METTL15: variants seen among roughly 807,000 people sequenced by gnomAD.
The protein encoded by METTL15 is methyltransferase 15, mitochondrial 12S rRNA N4-cytidine.
In METTL15, 34 loss-of-function variants were observed where a neutral mutation model predicts 38.3. That is an observed-to-expected ratio of 0.89 (90% CI 0.68 to 1.18). METTL15 has a LOEUF of 1.18. METTL15 is among the 50% of genes most tolerant of loss of function. The pLI, the probability that METTL15 is intolerant of heterozygous loss-of-function variation, is 0.00. For missense variants in METTL15, 438 were observed against 498.4 expected (o/e 0.88, Z 1.15); for synonymous variants, 162 against 170.9 (o/e 0.95, Z 0.41).
intron 4 of METTL15, among the ~76,000 whole-genome samples, chr11:28,214,917 C>G (rs897036969): frequency 6.6e-6 from 1 of 152,158 alleles, no homozygotes; most frequent in Non-Finnish European, 1.5e-5. Context: ...TCCTTTCCAG[C>G]ATAAGGGTCA....
intron 5 of METTL15, among the ~76,000 whole-genome samples, chr11:28,402,395 C>A (rs1286363927): frequency 6.6e-6 from 1 of 151,934 alleles, no homozygotes; most frequent in East Asian, 1.9e-4. Flanking sequence ...TACTCCCTAC[C>A]CAATTTATAG....
chr11:28,452,476 A>G (rs1851131453), intron 6 of METTL15, among the ~76,000 whole-genome samples: 1 of 152,216 alleles, frequency 6.6e-6, no homozygotes, highest in Admixed American at 6.5e-5. Context: ...CTTGGTGAGA[A>G]ACAATGCTGT....
Position 28,113,310 on chromosome 11 carries a change from T to C in METTL15, c.-17-8T>C, listed in dbSNP as rs766654203. On this transcript the variant is annotated splice_region_variant and splice_polypyrimidine_tract_variant and intron_variant, in intron 2 of 6. Transcript: ENST00000407364. ...ATCCAACAATCATATTTTAATTTTTTTTTCTAGATTTGTTTACCTACAAAA... is the reference window on the plus strand; with the variant it reads ...ATCCAACAATCATATTTTAATTTTTCTTTCTAGATTTGTTTACCTACAAAA... 2 of 1,507,914 alleles carry C rather than the reference T, an allele frequency of 1.3e-6. No homozygotes were observed. Among genetic ancestry groups the C allele is most frequent in the Non-Finnish European group, 1.8e-6 (2 of 1,116,838 alleles). 93.4% of individuals were successfully genotyped at this position (1,507,914 alleles called of 1,614,324 possible).
chr11:28,296,975 A>G (rs1856762213), intron 6 of METTL15, 44 bp downstream of exon 6: 1 of 1,603,352 alleles, frequency 6.2e-7, no homozygotes. Context: ...AAAAAATTAT[A>G]TTTACATGTG....
At chr11:28,272,948 C>T (rs1855703198) in intron 4 of METTL15, among the ~76,000 whole-genome samples, 1 of 152,120 alleles carries the variant, frequency 6.6e-6, no homozygotes, top group African/African-American at 2.4e-5. Flanking sequence ...TTATTGAGCA[C>T]TTATTCTATA....
chr11:28,166,804 C>G (rs1258065916), intron 3 of METTL15, among the ~76,000 whole-genome samples: 2 of 152,076 alleles, frequency 1.3e-5, no homozygotes, highest in Non-Finnish European at 2.9e-5. Flanking sequence ...CAAAAATTAG[C>G]CAGGCATGGT....
chr11:28,229,703 C>T lies in METTL15; in HGVS notation c.407+18505C>T, dbSNP rs530199029. ...GGCATTTTGATCTTGGACTTCCCAG[C>T]CTCTAGAACTATGAGAAATAAATTT... On this transcript the variant is annotated intron_variant, in intron 4 of 6. Transcript: ENST00000407364. Among the ~76,000 whole-genome samples, 17 of 152,064 alleles carry T rather than the reference C, an allele frequency of 1.1e-4. No homozygotes were observed. In the South Asian group the frequency reaches 3.5e-3, roughly 32 times the overall value.
chr11:28,319,455 G>GTT (rs138095699), intron 6 of METTL15, among the ~76,000 whole-genome samples: 28 of 150,166 alleles, frequency 1.9e-4, no homozygotes, highest in Admixed American at 2.7e-4. Context: ...AAAATAAGGT[G>GTT]TTGTTTTTTT....
At chr11:28,340,337 C>G (rs371700397) in intron 3 of METTL15, among the ~76,000 whole-genome samples, 2 of 152,160 alleles carry the variant, frequency 1.3e-5, no homozygotes, top group South Asian at 4.1e-4. Context: ...TGTGCCCTCT[C>G]TATAAAAATT....
At chr11:28,452,451 AC>A in intron 6 of METTL15, among the ~76,000 whole-genome samples, 1 of 152,320 alleles carries the variant, frequency 6.6e-6, no homozygotes, top group Middle Eastern at 3.4e-3. Flanking sequence ...TAATTTATAT[AC>A]CTAAAGTGGT....
rs759210195 is a variant in METTL15, at chr11:28,352,320, C to A, written c.*258+162C>A. Among the ~76,000 whole-genome samples the A allele has an allele frequency of 3.9e-5, 6 of 152,222 alleles. No individual in the cohort carries two copies. In the South Asian group the frequency reaches 8.3e-4, roughly 21 times the overall value. ...AACTTAATAGCTGACCTGTCTACCC[C>A]CTAGCCTGTGAGATCCTTCAGGGAA... On this transcript the variant is annotated intron_variant and NMD_transcript_variant, in intron 4 of 7. Coordinates refer to the METTL15 transcript ENST00000532947.
At chr11:28,188,554 GTAAT>G (rs1289316059) in intron 3 of METTL15, among the ~76,000 whole-genome samples, 1 of 151,150 alleles carries the variant, frequency 6.6e-6, no homozygotes, top group Admixed American at 6.6e-5. Context: ...TTAACAGTAA[GTAAT>G]TGTTGAATCT....
chr11:28,428,776 C>A (rs1209947705), intron 6 of METTL15, among the ~76,000 whole-genome samples: 1 of 152,178 alleles, frequency 6.6e-6, no homozygotes, highest in East Asian at 1.9e-4. Context: ...GCTTAAGTAA[C>A]TTCTAGAGTT....
chr11:28,340,558 A>G (rs978333923), intron 3 of METTL15, among the ~76,000 whole-genome samples: 8 of 152,198 alleles, frequency 5.3e-5, no homozygotes, highest in African/African-American at 1.9e-4. Context: ...GTGGCCAACA[A>G]ACATACGAAA....
chr11:28,192,774 C>T (rs1007047960), intron 3 of METTL15, among the ~76,000 whole-genome samples: 3 of 151,984 alleles, frequency 2.0e-5, no homozygotes, highest in African/African-American at 7.3e-5. Context: ...ACCCTATAAT[C>T]CACAGGACAG....
At chr11:28,212,987 C>T (rs1852705354) in intron 4 of METTL15, among the ~76,000 whole-genome samples, 1 of 151,976 alleles carries the variant, frequency 6.6e-6, no homozygotes, top group East Asian at 1.9e-4. Flanking sequence ...AACTATCAGG[C>T]TGTATATTCT....
Position 28,438,672 on chromosome 11 carries a change from CTTTTTTT to C in METTL15, c.*424+14321_*424+14327del, listed in dbSNP as rs1171439330. Among the ~76,000 whole-genome samples the C allele has an allele frequency of 2.6e-3, 329 of 128,216 alleles. 1 individual carries two copies. The highest frequency in any genetic ancestry group is 0.011 in the South Asian group (43 of 3,884). 84.1% of individuals were successfully genotyped at this position (128,216 alleles called of 152,430 possible). A position where few individuals can be genotyped will look rare whatever the true frequency, so the allele number is the denominator to read the frequency against. On this transcript the variant is annotated intron_variant and NMD_transcript_variant, in intron 6 of 7. Transcript: ENST00000532947. ...GCTTTTTTTTTCTTTTTTCTTTTTT[CTTTTTTT>C]TTTTTTTTTTTTGGAGACAGAGTCT...
intron 6 of METTL15, among the ~76,000 whole-genome samples, chr11:28,478,899 A>G (rs527437151): frequency 1.4e-5 from 2 of 143,696 alleles, no homozygotes; most frequent in Non-Finnish European, 3.1e-5. Context: ...ATCTCCTAGG[A>G]AGCAGAAAAC....
rs146507438 is a variant in METTL15, at chr11:28,209,418, A to T, written c.271-1644A>T. On this transcript the variant is annotated intron_variant, in intron 3 of 6. Coordinates refer to ENST00000407364, the MANE Select transcript of METTL15 (RefSeq NM_001113528.2). ...AATTCATCGATGTGTAAAATAAGTG[A>T]CTGGCAAAGGAAATTATTTGATCTT... Among the ~76,000 whole-genome samples the T allele has an allele frequency of 1.3e-4, 20 of 152,110 alleles. No individual in the cohort carries two copies. In the East Asian group the frequency reaches 3.7e-3, roughly 28 times the overall value.
Sources: gnomAD v4.1 joint callset for allele counts (sites outside exome capture counted in the v4.1 genomes callset) on GRCh38, gnomAD v4.1.1 for gene constraint, MANE v1.5 for transcripts, NCBI Gene and HGNC (gene_info 2026-07-23, HGNC 2026-07-21) for gene names.